SEZ6L: variants seen among roughly 807,000 people sequenced by gnomAD.
The protein encoded by SEZ6L is seizure 6-like protein.
A neutral mutation model predicts 106.2 loss-of-function variants in SEZ6L; 37 were observed. The ratio of observed to expected loss-of-function variants is 0.35; its 90% CI spans 0.27 to 0.46. The LOEUF is 0.46. SEZ6L is among the 20% of genes least tolerant of loss of function. SEZ6L has a pLI of 1.00. For synonymous variants in SEZ6L, 541 were observed against 570.4 expected, an observed-to-expected ratio of 0.95 and a Z score of 0.73; for missense variants, 1,172 against 1,332.8, an observed-to-expected ratio of 0.88 and a Z score of 1.88.
rs12167837 is a variant in SEZ6L at position 26,210,609 on chromosome 22, G to A, written c.94+40846G>A. 4.5e-3 allele frequency among the ~76,000 whole-genome samples: 679 copies of A among 152,152 alleles called. 6 individuals carry two copies. Among genetic ancestry groups the A allele is most frequent in the African/African-American group, 0.016 (648 of 41,524 alleles). ...GTGTTTTGCCTGGGAGAGTGAGTGCGCGGACATTCATATACCAGCCTGGCA... is the reference window on the plus strand; with the variant it reads ...GTGTTTTGCCTGGGAGAGTGAGTGCACGGACATTCATATACCAGCCTGGCA... On this transcript the variant is annotated intron_variant, in intron 1 of 16. Coordinates refer to ENST00000248933, the MANE Select transcript of SEZ6L (RefSeq NM_021115.5).
At chr22:26,367,800 C>T (rs1455849926) in intron 13 of SEZ6L, among the ~76,000 whole-genome samples, 2 of 152,176 alleles carry the variant, frequency 1.3e-5, no homozygotes, top group Non-Finnish European at 2.9e-5. Flanking sequence ...ATACTCTTAA[C>T]GCCCCCAGTT....
intron 11 of SEZ6L, 116 bp from the exon 12 acceptor site, chr22:26,350,936 G>A (rs6005019): frequency 0.78 from 811,429 of 1,037,720 alleles, 319,437 homozygotes; most frequent in African/African-American, 0.93. Context: ...GACTACAGGC[G>A]TGAGCCACCG....
chr22:26,349,809 CA>C (rs2083211799), intron 11 of SEZ6L, among the ~76,000 whole-genome samples: 1 of 152,212 alleles, frequency 6.6e-6, no homozygotes, highest in African/African-American at 2.4e-5. Context: ...AAACTTCCTG[CA>C]TCTGCTTTTT....
chr22:26,184,290 G>A (rs1258978731), intron 1 of SEZ6L, among the ~76,000 whole-genome samples: 1 of 152,120 alleles, frequency 6.6e-6, no homozygotes, highest in African/African-American at 2.4e-5. Context: ...CTACCCCAGT[G>A]TCTAGTACCA....
rs761569093 is a variant in SEZ6L, at chr22:26,348,151, A to G, written c.2407+238A>G. ...GAGTGAGATAAGCTGGGTGTGAGACATTAGGGAGTGGTGTGAACTCCAGTG... is the reference window on the plus strand; with the variant it reads ...GAGTGAGATAAGCTGGGTGTGAGACGTTAGGGAGTGGTGTGAACTCCAGTG... On this transcript the variant is annotated intron_variant, in intron 11 of 16. Transcript: ENST00000248933. 9.7e-4 allele frequency among the ~76,000 whole-genome samples: 147 copies of G among 152,130 alleles called. 1 individual carries two copies. Among genetic ancestry groups the G allele is most frequent in the Non-Finnish European group, 2.9e-4 (20 of 68,016 alleles).
At chr22:26,294,871 CTCTTTCTT>C (rs367724577) in intron 3 of SEZ6L, among the ~76,000 whole-genome samples, 1 of 73,216 alleles carries the variant, frequency 1.4e-5, no homozygotes, top group South Asian at 2.9e-4. Flanking sequence ...CTTTCTCTTT[CTCTTTCTT>C]TCTTTCTTTC....
At chr22:26,291,954 G>A (rs1176180098) in intron 1 of SEZ6L, among the ~76,000 whole-genome samples, 1 of 150,206 alleles carries the variant, frequency 6.7e-6, no homozygotes, top group Admixed American at 6.7e-5. Context: ...GTCCTGGCAT[G>A]ATCAAGCCCA....
chr22:26,361,233 C>T (rs1334171066), intron 12 of SEZ6L, among the ~76,000 whole-genome samples: 6 of 151,816 alleles, frequency 4.0e-5, no homozygotes, highest in Middle Eastern at 3.2e-3. Flanking sequence ...TGTGGTGGCT[C>T]ATGCCTGTAA....
At chr22:26,374,593 A>G (rs1361446172) in intron 14 of SEZ6L, among the ~76,000 whole-genome samples, 1 of 152,226 alleles carries the variant, frequency 6.6e-6, no homozygotes, top group Non-Finnish European at 1.5e-5. Context: ...GGAGCTTATG[A>G]GAGCCATTGT....
At chr22:26,272,097 T>G (rs970251491) in intron 1 of SEZ6L, among the ~76,000 whole-genome samples, 1 of 152,224 alleles carries the variant, frequency 6.6e-6, no homozygotes, top group African/African-American at 2.4e-5. Flanking sequence ...CGTTGCATAA[T>G]TAGCCAATGA....
At chr22:26,182,989 T>C (rs1939512805) in intron 1 of SEZ6L, among the ~76,000 whole-genome samples, 1 of 152,042 alleles carries the variant, frequency 6.6e-6, no homozygotes, top group African/African-American at 2.4e-5. Context: ...AGTGCTTGTG[T>C]CTCCACCAGA....
At chr22:26,245,782 C>T (rs1343832915) in intron 1 of SEZ6L, among the ~76,000 whole-genome samples, 4 of 152,152 alleles carry the variant, frequency 2.6e-5, no homozygotes, top group Non-Finnish European at 4.4e-5. Context: ...GATGGGGATG[C>T]TGGCTCTACA....
chr22:26,237,756 C>T (rs1297877312), intron 1 of SEZ6L, among the ~76,000 whole-genome samples: 4 of 151,870 alleles, frequency 2.6e-5, no homozygotes, highest in Non-Finnish European at 4.4e-5. Context: ...TGCCACCCAC[C>T]CCACCCCACC....
intron 1 of SEZ6L, among the ~76,000 whole-genome samples, chr22:26,251,021 T>C (rs1281510162): frequency 6.6e-6 from 1 of 152,222 alleles, no homozygotes; most frequent in African/African-American, 2.4e-5. Context: ...TTTCATACTC[T>C]GCAACTTTAC....
At chr22:26,171,598 G>A (rs1474770707) in intron 1 of SEZ6L, among the ~76,000 whole-genome samples, 3 of 152,202 alleles carry the variant, frequency 2.0e-5, no homozygotes, top group African/African-American at 7.2e-5. Context: ...CAAACACATT[G>A]TAAGAGCAGG....
intron 1 of SEZ6L, among the ~76,000 whole-genome samples, chr22:26,174,235 C>T (rs556473739): frequency 6.6e-6 from 1 of 152,226 alleles, no homozygotes; most frequent in East Asian, 1.9e-4. Flanking sequence ...GAGCACGTAG[C>T]ATTTGAACTG....
At chr22:26,307,126 G>A (rs1319138906) in intron 6 of SEZ6L, among the ~76,000 whole-genome samples, 1 of 152,160 alleles carries the variant, frequency 6.6e-6, no homozygotes, top group Admixed American at 6.5e-5. Flanking sequence ...ACCTCAGAGT[G>A]GTCCTGTTGG....
intron 5 of SEZ6L, 60 bp downstream of exon 5, chr22:26,299,229 C>CACCCCAAATGGAAACA: frequency 7.8e-7 from 1 of 1,273,980 alleles, no homozygotes; most frequent in South Asian, 2.6e-5. Context: ...GAAAGACCAA[C>CACCCCAAATGGAAACA]CTGTAGGACA....
chr22:26,236,850 A>G (rs531363561), intron 1 of SEZ6L, among the ~76,000 whole-genome samples: 1 of 152,222 alleles, frequency 6.6e-6, no homozygotes, highest in Admixed American at 6.5e-5. Context: ...GGCTACCATT[A>G]GCCTCTCCTC....
Sources: gnomAD v4.1 joint callset for allele counts (sites outside exome capture counted in the v4.1 genomes callset) on GRCh38, gnomAD v4.1.1 for gene constraint, MANE v1.5 for transcripts, NCBI Gene and HGNC (gene_info 2026-07-23, HGNC 2026-07-21) for gene names.